SMARCA2: variants seen among roughly 807,000 people sequenced by gnomAD.
SMARCA2 encodes the protein SWI/SNF-related matrix-associated actin-dependent regulator of chromatin subfamily A member 2.
SMARCA2 carries 61 observed loss-of-function variants against 199.8 expected under a neutral mutation model. That is an observed-to-expected ratio of 0.31 (90% CI 0.25 to 0.38). The LOEUF is 0.38. Ranked by LOEUF, SMARCA2 falls within the 10% of genes least tolerant of loss-of-function variation. The pLI is 1.00. For synonymous variants in SMARCA2, 935 were observed against 732.0 expected, an observed-to-expected ratio of 1.28 and a Z score of -4.48; for missense variants, 1,344 against 2,012.2, an observed-to-expected ratio of 0.67 and a Z score of 6.35.
intron 29 of SMARCA2, among the ~76,000 whole-genome samples, chr9:2,177,779 T>C (rs1440616131): frequency 2.0e-5 from 3 of 152,182 alleles, no homozygotes; most frequent in African/African-American, 7.2e-5. Flanking sequence ...CTCGAACTCC[T>C]GACCTCAGGT....
At chr9:2,163,128 C>T (rs1301794411) in intron 28 of SMARCA2, among the ~76,000 whole-genome samples, 1 of 152,170 alleles carries the variant, frequency 6.6e-6, no homozygotes, top group Non-Finnish European at 1.5e-5. Flanking sequence ...AAACTTTCCA[C>T]CATGGGGTTT....
In SMARCA2 at chr9:2,182,221, G is replaced by A. The variant is rs184913034; in HGVS notation, c.4440G>A (p.Thr1480=). ...TGCTTCTCTGTCACAACGCTCAGAC[G>A]TTCAACCTGGAGGGATCCCAGGTCT... ...DVMLLCHNAQ[T]FNLEGSQIYE... The change falls in exon 31 of 34, where the codon ACG becomes ACA. Residue 1480 remains threonine, a synonymous_variant. Transcript: ENST00000349721. 310 of 1,612,292 alleles carry A rather than the reference G, an allele frequency of 1.9e-4. 1 individual carries two copies. The East Asian group carries it at 4.0e-3, about 21-fold the overall frequency.
chr9:2,179,468 A>T (rs75075926), intron 29 of SMARCA2, among the ~76,000 whole-genome samples: 1,589 of 152,270 alleles, frequency 0.01, 16 homozygotes, highest in Non-Finnish European at 0.016. Context: ...TTCTCATTTT[A>T]CAGTATTGGC....
intron 27 of SMARCA2, among the ~76,000 whole-genome samples, chr9:2,150,811 C>G (rs1825024212): frequency 6.6e-6 from 1 of 151,542 alleles, no homozygotes; most frequent in African/African-American, 2.4e-5. Context: ...TTGGTTTCTT[C>G]TGAGACTTCT....
chr9:2,151,086 C>A (rs1187509433), intron 27 of SMARCA2, among the ~76,000 whole-genome samples: 2 of 151,518 alleles, frequency 1.3e-5, no homozygotes, highest in East Asian at 3.8e-4. Context: ...ACATAAAACA[C>A]AGACTTTGGG....
rs1314551394 is a variant in SMARCA2, at chr9:2,161,670, T to C, written c.3982-16T>C. Reference sequence around the variant, plus strand: ...TCTCTTGTCTTGAATTTGTCTCCTTTGTTTCCAACGAACAGGCCATCGAAG... The same window carrying C: ...TCTCTTGTCTTGAATTTGTCTCCTTCGTTTCCAACGAACAGGCCATCGAAG... On this transcript the variant is annotated splice_polypyrimidine_tract_variant and intron_variant, in intron 27 of 33. Coordinates refer to ENST00000349721, the MANE Select transcript of SMARCA2 (RefSeq NM_003070.5). This position sits in a 1 kb window ranked among gnomAD's most constrained non-coding sequence, Gnocchi z 4.7. 1 of 1,591,438 alleles carries C rather than the reference T, an allele frequency of 6.3e-7. No homozygotes were observed. Among genetic ancestry groups the C allele is most frequent in the Non-Finnish European group, 8.6e-7 (1 of 1,160,720 alleles).
intron 29 of SMARCA2, among the ~76,000 whole-genome samples, chr9:2,177,701 C>T (rs370026224): frequency 3.6e-4 from 55 of 151,920 alleles, no homozygotes; most frequent in East Asian, 3.4e-3. Context: ...TACAGGCATG[C>T]GCCACCACAC....
intron 14 of SMARCA2, chr9:2,079,918 C>T (rs1821491820): frequency 6.6e-6 from 1 of 152,402 alleles, no homozygotes; most frequent in Admixed American, 6.5e-5. Context: ...CCTTCGACTT[C>T]CATATGTGAG....
At chr9:2,131,806 G>A (rs1823969617) in intron 27 of SMARCA2, among the ~76,000 whole-genome samples, 1 of 152,126 alleles carries the variant, frequency 6.6e-6, no homozygotes, top group African/African-American at 2.4e-5. Context: ...TGGGCGTGGT[G>A]GCGGGTGCCT....
intron 8 of SMARCA2, among the ~76,000 whole-genome samples, chr9:2,060,364 G>C (rs1444476363): frequency 6.6e-6 from 1 of 152,158 alleles, no homozygotes; most frequent in Non-Finnish European, 1.5e-5. Flanking sequence ...AATGAAACAG[G>C]AGTCATCACA....
intron 23 of SMARCA2, among the ~76,000 whole-genome samples, chr9:2,108,506 A>G (rs572429949): frequency 2.9e-4 from 44 of 152,328 alleles, no homozygotes; most frequent in African/African-American, 1.0e-3. Context: ...TTGAACTTCT[A>G]TCCTGAGAGT....
chr9:2,082,350 T>A (rs10811396), intron 15 of SMARCA2, among the ~76,000 whole-genome samples: 21,052 of 140,546 alleles, frequency 0.15, 1,928 homozygotes, highest in East Asian at 0.25. Flanking sequence ...TGTGTGTGTG[T>A]GATTTCTTTG....
At chr9:2,042,861 A>G (rs951512332) in intron 4 of SMARCA2, 1 of 152,188 alleles carries the variant, frequency 6.6e-6, no homozygotes, top group African/African-American at 2.4e-5. Context: ...AGGAAAGAAG[A>G]TATCTCCTTC....
intron 18 of SMARCA2, chr9:2,087,369 G>C (rs1043859618): frequency 9.2e-6 from 3 of 325,922 alleles, no homozygotes; most frequent in Non-Finnish European, 1.1e-5. Context: ...GCCACAGGGA[G>C]GATGAACATG....
At chr9:2,120,631 T>C (rs187346025) in intron 26 of SMARCA2, among the ~76,000 whole-genome samples, 1 of 152,298 alleles carries the variant, frequency 6.6e-6, no homozygotes, top group African/African-American at 2.4e-5. Context: ...GCTTATGTTA[T>C]TTTGGGGTTT....
intron 10 of SMARCA2, 84 bp from the exon 11 acceptor site, chr9:2,073,128 G>T: frequency 6.6e-7 from 1 of 1,518,492 alleles, no homozygotes; most frequent in Admixed American, 2.0e-5. Flanking sequence ...ATGCTGGGCA[G>T]CAAAAACTGC....
intron 29 of SMARCA2, among the ~76,000 whole-genome samples, chr9:2,179,682 A>AAATT (rs1199553781): frequency 6.6e-6 from 1 of 152,154 alleles, no homozygotes; most frequent in Non-Finnish European, 1.5e-5. Context: ...AGCACAGTTA[A>AAATT]AATTAAGAGT....
At position 2,097,560 on chromosome 9, in the gene SMARCA2, C is replaced by A. The variant is rs535757627; in HGVS notation, c.3078+89C>A. 4,501 of 738,378 alleles carry A rather than the reference C, an allele frequency of 6.1e-3. 102 individuals carry two copies. The highest frequency in any genetic ancestry group is 0.059 in the African/African-American group (3,245 of 55,202). The allele number at this position is 738,378 out of a possible 1,614,324, so 45.7% of individuals were successfully genotyped here. On this transcript the variant is annotated intron_variant, in intron 21 of 33. Transcript: ENST00000349721. The stretch of plus-strand genomic sequence containing the variant: ...AACAAACAAACAGGAAAAAAAAAAA[C>A]CAAAATAGATTTAAAACATGTTGGC...
intron 27 of SMARCA2, among the ~76,000 whole-genome samples, chr9:2,128,917 A>G (rs984844329): frequency 3.9e-5 from 6 of 152,180 alleles, no homozygotes; most frequent in African/African-American, 1.4e-4. Flanking sequence ...CACAGACTCC[A>G]TAAGTTAAAG....
Sources: allele counts gnomAD v4.1 joint callset (sites outside exome capture counted in the v4.1 genomes callset), GRCh38; gene constraint gnomAD v4.1.1; non-coding constraint Gnocchi (gnomAD v3.1); transcripts MANE v1.5; gene names NCBI Gene and HGNC (gene_info 2026-07-23, HGNC 2026-07-21).